The following PPP1R1C variants were observed in gnomAD, a reference collection of about 807,000 sequenced individuals.
PPP1R1C encodes the protein protein phosphatase 1 regulatory inhibitor subunit 1C, also known as protein phosphatase 1 regulatory subunit 1C.
A neutral mutation model predicts 17.4 loss-of-function variants in PPP1R1C; 15 were observed. The observed-to-expected ratio is 0.86, with a 90% CI of 0.58 to 1.33. The LOEUF (loss-of-function observed/expected upper bound fraction) is 1.33. Ranked by LOEUF, PPP1R1C falls within the 40% of genes most tolerant of loss-of-function variation. The probability of loss-of-function intolerance (pLI) is 0.00; values close to 1 mark genes in which losing one functional copy is unlikely to be tolerated. For missense variants in PPP1R1C, 143 were observed against 130.0 expected, an observed-to-expected ratio of 1.10 and a Z score of -0.48; for synonymous variants, 35 against 43.1, an observed-to-expected ratio of 0.81 and a Z score of 0.73.
intron 4 of PPP1R1C, among the ~76,000 whole-genome samples, chr2:182,105,405 T>C (rs1406532620): frequency 1.3e-5 from 2 of 152,178 alleles, no homozygotes; most frequent in Admixed American, 6.5e-5. Flanking sequence ...TGCTTCTCCA[T>C]TGGGGTTCAG....
At chr2:182,052,683 G>A (rs1451146527) in intron 2 of PPP1R1C, among the ~76,000 whole-genome samples, 4 of 152,030 alleles carry the variant, frequency 2.6e-5, no homozygotes, top group African/African-American at 9.7e-5. Context: ...TGCTCAACTT[G>A]CCCTGTTGTA....
intron 2 of PPP1R1C, among the ~76,000 whole-genome samples, chr2:182,042,180 C>A (rs1169909689): frequency 6.6e-6 from 1 of 152,050 alleles, no homozygotes; most frequent in Non-Finnish European, 1.5e-5. Flanking sequence ...TTTTTTTACT[C>A]TACTTATTTG....
intron 4 of PPP1R1C, among the ~76,000 whole-genome samples, chr2:182,085,877 C>A (rs1688613395): frequency 6.6e-6 from 1 of 152,064 alleles, no homozygotes; most frequent in African/African-American, 2.4e-5. Context: ...TCCAGAATAT[C>A]TTAGTTTTCT....
chr2:182,121,347 G>A (rs1381765134), downstream of PPP1R1C, among the ~76,000 whole-genome samples: 1 of 124,906 alleles, frequency 8.0e-6, no homozygotes, highest in Non-Finnish European at 1.7e-5. Context: ...AGCTTAGTGA[G>A]CATTTAATAA....
intron 4 of PPP1R1C, among the ~76,000 whole-genome samples, chr2:182,074,897 T>A (rs1688249320): frequency 6.6e-6 from 1 of 152,248 alleles, no homozygotes. Context: ...TGCAACATTC[T>A]GAGATCTGTG....
chr2:181,977,148 A>T (rs1296775574), intron 2 of PPP1R1C, among the ~76,000 whole-genome samples: 1 of 129,706 alleles, frequency 7.7e-6, no homozygotes, highest in Non-Finnish European at 1.6e-5. Context: ...AAAAAAAAAA[A>T]AAAAAAAAAA....
chr2:182,037,821 A>G (rs1687058872), intron 2 of PPP1R1C, among the ~76,000 whole-genome samples: 2 of 152,154 alleles, frequency 1.3e-5, no homozygotes, highest in Non-Finnish European at 2.9e-5. Flanking sequence ...CCTAGAAACA[A>G]GAGTAGGCTC....
At chr2:181,982,773 G>A (rs995725893), upstream of PPP1R1C, among the ~76,000 whole-genome samples, 2 of 152,174 alleles carry the variant, frequency 1.3e-5, no homozygotes, top group African/African-American at 4.8e-5. Flanking sequence ...ATCATGCAAA[G>A]TAGGGCAAGA....
At chr2:182,106,837 G>A (rs759694991) in intron 4 of PPP1R1C, among the ~76,000 whole-genome samples, 1 of 152,150 alleles carries the variant, frequency 6.6e-6, no homozygotes, top group Non-Finnish European at 1.5e-5. Flanking sequence ...ACCCTGATGT[G>A]GGGTTGGAGC....
intron 4 of PPP1R1C, among the ~76,000 whole-genome samples, chr2:182,081,883 A>G (rs993779718): frequency 6.6e-6 from 1 of 152,216 alleles, no homozygotes; most frequent in East Asian, 1.9e-4. Context: ...GTATGTCCAC[A>G]TAAAAAGTCA....
At chr2:181,955,014 G>A (rs1684647696) in intron 1 of PPP1R1C, among the ~76,000 whole-genome samples, 1 of 152,154 alleles carries the variant, frequency 6.6e-6, no homozygotes, top group East Asian at 1.9e-4. Context: ...CATCCTAGGT[G>A]ACCTCTGTCA....
At chr2:181,969,981 T>G (rs185670505) in intron 1 of PPP1R1C, among the ~76,000 whole-genome samples, 1 of 152,358 alleles carries the variant, frequency 6.6e-6, no homozygotes, top group East Asian at 1.9e-4. Flanking sequence ...TTTGTTAAAT[T>G]TATCTGATAA....
chr2:181,956,267 A>T (rs1215793504), intron 1 of PPP1R1C, among the ~76,000 whole-genome samples: 1 of 152,174 alleles, frequency 6.6e-6, no homozygotes, highest in Non-Finnish European at 1.5e-5. Context: ...CATGGTGTAT[A>T]TGTGCCACAT....
At chr2:181,964,511 G>A (rs1188768794) in intron 1 of PPP1R1C, among the ~76,000 whole-genome samples, 1 of 152,076 alleles carries the variant, frequency 6.6e-6, no homozygotes. Context: ...TCATATGGTA[G>A]CTCTATTTTT....
At chr2:182,013,531 G>A (rs1473297866) in intron 2 of PPP1R1C, among the ~76,000 whole-genome samples, 1 of 151,966 alleles carries the variant, frequency 6.6e-6, no homozygotes, top group Non-Finnish European at 1.5e-5. Flanking sequence ...AATCTGCTTG[G>A]TGTTCTATAC....
chr2:182,129,992 A>T (rs114367532), exon 6 of PPP1R1C: 2 of 152,210 alleles, frequency 1.3e-5, no homozygotes, highest in Non-Finnish European at 2.9e-5. Flanking sequence ...AAACTTTAAT[A>T]AAAAAAGTAC....
At chr2:182,111,648 G>A (rs16822594) in intron 4 of PPP1R1C, among the ~76,000 whole-genome samples, 2,858 of 151,964 alleles carry the variant, frequency 0.019, 48 homozygotes, top group Middle Eastern at 0.027. Context: ...AAATCTGAGA[G>A]ATGGTGGACC....
chr2:182,110,909 C>T (rs1189762044), intron 4 of PPP1R1C, among the ~76,000 whole-genome samples: 1 of 151,912 alleles, frequency 6.6e-6, no homozygotes, highest in Non-Finnish European at 1.5e-5. Context: ...AATGCATTAG[C>T]TTCAGAAGAA....
intron 4 of PPP1R1C, among the ~76,000 whole-genome samples, chr2:182,085,846 CAT>C (rs1688612557): frequency 6.6e-6 from 1 of 152,188 alleles, no homozygotes; most frequent in East Asian, 1.9e-4. Context: ...ACATAACACA[CAT>C]GTTTGTTCTA....
Sources: gnomAD v4.1 joint callset for allele counts (sites outside exome capture counted in the v4.1 genomes callset) on GRCh38, gnomAD v4.1.1 for gene constraint, MANE v1.5 for transcripts, NCBI Gene and HGNC (gene_info 2026-07-23, HGNC 2026-07-21) for gene names.